HGD: variants seen among roughly 807,000 people sequenced by gnomAD.
HGD encodes homogentisate 1,2-dioxygenase.
In HGD, 61 loss-of-function variants were observed where a neutral mutation model predicts 60.8. The ratio of observed to expected loss-of-function variants is 1.00; its 90% CI spans 0.82 to 1.24. The LOEUF is 1.24. HGD is among the 50% of genes most tolerant of loss of function. The pLI is 0.00. For missense variants in HGD, 542 were observed against 547.1 expected (o/e 0.99, Z 0.09); for synonymous variants, 212 against 187.7 (o/e 1.13, Z -1.06).
chr3:120,640,948 C>T (rs1940949932), intron 11 of HGD, among the ~76,000 whole-genome samples: 1 of 152,088 alleles, frequency 6.6e-6, no homozygotes, highest in East Asian at 1.9e-4. Context: ...GAACTTCCCC[C>T]CGGGGTCTCA....
intron 7 of HGD, 22 bp downstream of exon 7, chr3:120,647,855 G>T (rs973565818): frequency 2.5e-6 from 4 of 1,589,720 alleles, no homozygotes; most frequent in African/African-American, 1.3e-5. Flanking sequence ...CAGTGAGGGG[G>T]TCTGAAGTCT....
chr3:120,646,975 G>A lies in HGD; in HGVS notation c.547C>T (p.Gln183Ter). 1 of 1,612,848 alleles carries A rather than the reference G, an allele frequency of 6.2e-7. No homozygotes were observed. The highest frequency in any genetic ancestry group is 1.3e-5 in the African/African-American group (1 of 75,012). The part of the protein sequence containing the change: ...LVQPNEICVI[Q>*]RGMRFSIDVF... The stretch of plus-strand genomic sequence containing the variant: ...AGAGAAGGGGACACATCACCAACCT[G>A]AATGACGCAGATCTCATTGGGCTGT... Residue 183 changes from glutamine to a stop codon, truncating the protein, a stop_gained and splice_region_variant, in exon 8 of 14, where the codon CAG (glutamine) becomes TAG (stop). Transcript: ENST00000283871. LOFTEE classifies it high-confidence loss of function.
At chr3:120,660,120 C>A (rs1941618902) in intron 4 of HGD, among the ~76,000 whole-genome samples, 1 of 152,082 alleles carries the variant, frequency 6.6e-6, no homozygotes, top group African/African-American at 2.4e-5. Flanking sequence ...TCCCCCTTTG[C>A]CTTCCACCAT....
chr3:120,662,499 T>C (rs929189648), intron 4 of HGD, among the ~76,000 whole-genome samples: 1 of 152,146 alleles, frequency 6.6e-6, no homozygotes, highest in Non-Finnish European at 1.5e-5. Flanking sequence ...ACCTCAGACC[T>C]ACTGAACTGG....
At chr3:120,629,392 C>T (rs1464616178) in intron 13 of HGD, among the ~76,000 whole-genome samples, 1 of 152,072 alleles carries the variant, frequency 6.6e-6, no homozygotes, top group African/African-American at 2.4e-5. Flanking sequence ...CCCAAAGCAC[C>T]CACATTAATG....
chr3:120,646,228 A>G (rs1274321592), intron 9 of HGD, 39 bp downstream of exon 9: 1 of 1,213,022 alleles, frequency 8.2e-7, no homozygotes, highest in Non-Finnish European at 1.2e-6. Flanking sequence ...TGAGTCCTAC[A>G]TCTCAAGCGA....
chr3:120,648,648 CGGGT>C (rs1186771875), intron 6 of HGD, among the ~76,000 whole-genome samples: 12 of 152,172 alleles, frequency 7.9e-5, no homozygotes, highest in African/African-American at 2.9e-4. Flanking sequence ...AAGCCAAAGT[CGGGT>C]AGCCTGCTAC....
chr3:120,636,994 A>G (rs1940802612), intron 12 of HGD, among the ~76,000 whole-genome samples: 1 of 152,188 alleles, frequency 6.6e-6, no homozygotes, highest in African/African-American at 2.4e-5. Flanking sequence ...AAAAAAATGC[A>G]CACTCCAGGA....
intron 13 of HGD, among the ~76,000 whole-genome samples, chr3:120,628,741 T>TTAAC (rs1439874418): frequency 1.3e-5 from 2 of 152,162 alleles, no homozygotes; most frequent in African/African-American, 4.8e-5. Context: ...TACAAGACCC[T>TTAAC]TAACTTCTCA....
intron 4 of HGD, among the ~76,000 whole-genome samples, chr3:120,656,555 CTT>C (rs999048289): frequency 8.8e-6 from 1 of 114,192 alleles, no homozygotes; most frequent in Non-Finnish European, 2.1e-5. Flanking sequence ...TTTTTGAGAT[CTT>C]TTTTTTGGGG....
intron 5 of HGD, 66 bp downstream of exon 5, chr3:120,652,526 A>G (rs1941373698): frequency 8.2e-7 from 1 of 1,220,696 alleles, no homozygotes; most frequent in Non-Finnish European, 1.2e-6. Flanking sequence ...CAGGCTGCAA[A>G]TGGTTGGCTC....
chr3:120,675,121 C>A, intron 2 of HGD, 132 bp from the exon 3 acceptor site: 1 of 677,042 alleles, frequency 1.5e-6, no homozygotes, highest in East Asian at 2.8e-5. Flanking sequence ...CGATATGTTT[C>A]TTGTAACAAC....
intron 4 of HGD, among the ~76,000 whole-genome samples, chr3:120,664,148 G>C (rs1464364204): frequency 2.0e-5 from 3 of 152,084 alleles, no homozygotes; most frequent in African/African-American, 7.2e-5. Context: ...TACAGTGCAG[G>C]TATCATTTTC....
intron 4 of HGD, among the ~76,000 whole-genome samples, chr3:120,656,433 AAT>A (rs1941496793): frequency 6.6e-6 from 1 of 152,272 alleles, no homozygotes; most frequent in Non-Finnish European, 1.5e-5. Context: ...AATCAATTGT[AAT>A]GCCCAATGCA....
intron 9 of HGD, 155 bp from the exon 10 acceptor site, chr3:120,644,598 C>T (rs1370742): frequency 6.8e-5 from 105 of 1,537,836 alleles, no homozygotes; most frequent in Non-Finnish European, 8.5e-5. Context: ...AGTCTGGTAC[C>T]TTTTAGGAAG....
intron 1 of HGD, among the ~76,000 whole-genome samples, chr3:120,679,934 T>A (rs1708203114): frequency 1.3e-5 from 2 of 152,188 alleles, no homozygotes; most frequent in South Asian, 4.1e-4. Flanking sequence ...TGTGGTAATT[T>A]TTTACAGCAG....
rs1708237639 is a variant in HGD at position 120,681,981 on chromosome 3, G to A, written c.15+116C>T. 6.6e-6 allele frequency: 6 copies of A among 911,154 alleles called. No homozygotes were observed. The Admixed American group carries it at 8.5e-5, about 13-fold the overall frequency. 56.4% of individuals were successfully genotyped at this position (911,154 alleles called of 1,614,324 possible). ...ACCACAGGGAAGCCTCTGAACACAG[G>A]GGTTTGAACCAGGGCCTCTCTAAGT... On this transcript the variant is annotated intron_variant, in intron 1 of 13. Coordinates refer to ENST00000283871, the MANE Select transcript of HGD (RefSeq NM_000187.4).
Position 120,644,370 on chromosome 3 carries a change from A to C in HGD, c.723T>G (p.Gly241=). 1 of 1,614,114 alleles carries C rather than the reference A, an allele frequency of 6.2e-7. No individual in the cohort carries two copies. The highest frequency in any genetic ancestry group is 8.5e-7 in the Non-Finnish European group (1 of 1,179,988). ...IAWYEDRQVP[G]GYTVINKYQG... Reference sequence around the variant, plus strand: ...GGTATTTATTAATGACCGTGTAACCACCTGGTACTTGGCGATCCTCATACC... The same window carrying C: ...GGTATTTATTAATGACCGTGTAACCCCCTGGTACTTGGCGATCCTCATACC... Residue 241 remains glycine, a synonymous_variant, in exon 10 of 14, where the codon GGT becomes GGG. Coordinates refer to ENST00000283871, the MANE Select transcript of HGD (RefSeq NM_000187.4).
rs538472154 is a variant in HGD at position 120,668,492 on chromosome 3, T to A, written c.282+1935A>T. 5.9e-5 allele frequency among the ~76,000 whole-genome samples: 9 copies of A among 151,978 alleles called. No homozygotes were observed. In the South Asian group the frequency reaches 1.9e-3, roughly 32 times the overall value. The stretch of plus-strand genomic sequence containing the variant: ...GGTAAACAAAGGGGAAGCAGGAGAT[T>A]TCCTTGGGTTGTGGAAAGTGGCGGG... On this transcript the variant is annotated intron_variant, in intron 4 of 13. Coordinates refer to ENST00000283871, the MANE Select transcript of HGD (RefSeq NM_000187.4).
Sources: allele counts gnomAD v4.1 joint callset (sites outside exome capture counted in the v4.1 genomes callset), GRCh38; gene constraint gnomAD v4.1.1; transcripts MANE v1.5; gene names NCBI Gene and HGNC (gene_info 2026-07-23, HGNC 2026-07-21).